RELN: variants seen among roughly 807,000 people sequenced by gnomAD.
RELN encodes the protein reelin.
Under a neutral mutation model 427.6 loss-of-function variants are expected in RELN, and 108 were observed. The observed-to-expected ratio is 0.25, with a 90% CI of 0.22 to 0.30. The LOEUF (loss-of-function observed/expected upper bound fraction) is 0.30. Ranked by LOEUF, RELN falls within the 10% of genes least tolerant of loss-of-function variation. The probability of loss-of-function intolerance (pLI) is 1.00; values close to 1 mark genes in which losing one functional copy is unlikely to be tolerated. For synonymous variants in RELN, 1,524 were observed against 1,513.4 expected (o/e 1.01, Z -0.16); for missense variants, 3,715 against 4,302.8 (o/e 0.86, Z 3.82).
chr7:103,637,583 C>G (rs1650426371), intron 17 of RELN, among the ~76,000 whole-genome samples: 1 of 152,096 alleles, frequency 6.6e-6, no homozygotes, highest in African/African-American at 2.4e-5. Context: ...AAGTTGGAGC[C>G]TAAAATGCTA....
intron 5 of RELN, among the ~76,000 whole-genome samples, chr7:103,752,509 C>A (rs538258): frequency 0.56 from 85,125 of 151,620 alleles, 24,287 homozygotes; most frequent in African/African-American, 0.63. Flanking sequence ...TCCTGGTTTA[C>A]ATGATCCTCC....
At chr7:103,800,966 A>C (rs1400356016) in intron 3 of RELN, among the ~76,000 whole-genome samples, 2 of 152,234 alleles carry the variant, frequency 1.3e-5, no homozygotes, top group African/African-American at 4.8e-5. Flanking sequence ...TGCAGCCAAA[A>C]GACACATGAA....
intron 33 of RELN, 34 bp from the exon 34 acceptor site, chr7:103,565,585 T>C (rs544078433): frequency 1.2e-6 from 2 of 1,601,542 alleles, no homozygotes; most frequent in African/African-American, 2.7e-5. Flanking sequence ...GTAGCATATA[T>C]GTGTGCCATT....
At chr7:103,928,863 G>T (rs1011894431) in intron 1 of RELN, among the ~76,000 whole-genome samples, 3 of 152,090 alleles carry the variant, frequency 2.0e-5, no homozygotes, top group Admixed American at 2.0e-4. Flanking sequence ...TGATGTTCTT[G>T]GCAAACAAGG....
At chr7:103,742,094 C>A (rs969800652) in intron 6 of RELN, among the ~76,000 whole-genome samples, 1 of 152,168 alleles carries the variant, frequency 6.6e-6, no homozygotes, top group Non-Finnish European at 1.5e-5. Context: ...CAGGCAGCAA[C>A]ATTTGAGGTT....
chr7:103,826,319 A>AGTGTGTGTGTGTGTGTGT (rs768090469), intron 3 of RELN, among the ~76,000 whole-genome samples: 5,570 of 137,420 alleles, frequency 0.041, 203 homozygotes, highest in Non-Finnish European at 0.058. Flanking sequence ...AGACTAAGAC[A>AGTGTGTGTGTGTGTGTGT]ATGTGTGTGT....
intron 1 of RELN, among the ~76,000 whole-genome samples, chr7:103,959,793 G>T (rs1388176060): frequency 6.6e-6 from 1 of 151,796 alleles, no homozygotes; most frequent in East Asian, 1.9e-4. Flanking sequence ...AACAGTTTTT[G>T]TGGAGATGGG....
At chr7:103,767,279 C>T (rs141473) in intron 4 of RELN, among the ~76,000 whole-genome samples, 72,217 of 152,036 alleles carry the variant, frequency 0.47, 19,063 homozygotes, top group African/African-American at 0.71. Flanking sequence ...ATCTTGTTTA[C>T]TAGGGCTGTG....
chr7:103,536,355 G>C (rs1032929182), intron 45 of RELN, among the ~76,000 whole-genome samples: 1 of 151,926 alleles, frequency 6.6e-6, no homozygotes, highest in Non-Finnish European at 1.5e-5. Context: ...AGCTGCCTAC[G>C]TCCCTACCTC....
intron 2 of RELN, among the ~76,000 whole-genome samples, chr7:103,845,855 T>C (rs1793660933): frequency 6.6e-6 from 1 of 152,008 alleles, no homozygotes; most frequent in Non-Finnish European, 1.5e-5. Flanking sequence ...AAACGACTGC[T>C]CAAGAAAATA....
rs116536723 is a variant in RELN at position 103,905,285 on chromosome 7, T to G, written c.337+11790A>C. 2.1e-3 allele frequency among the ~76,000 whole-genome samples: 315 copies of G among 152,186 alleles called. 1 individual carries two copies. The highest frequency in any genetic ancestry group is 6.8e-3 in the African/African-American group (284 of 41,552). The stretch of plus-strand genomic sequence containing the variant: ...GAGCCACTGCTTCCTGCCCTCTATT[T>G]TCTTAATTCTATAGAAGATACTTAA... On this transcript the variant is annotated intron_variant, in intron 2 of 64. Coordinates refer to ENST00000428762, the MANE Select transcript of RELN (RefSeq NM_005045.4).
At chr7:103,834,517 T>C (rs567236195) in intron 2 of RELN, among the ~76,000 whole-genome samples, 1 of 152,334 alleles carries the variant, frequency 6.6e-6, no homozygotes, top group African/African-American at 2.4e-5. Context: ...CAAGCTGAGC[T>C]ATCAGGGGAT....
intron 64 of RELN, among the ~76,000 whole-genome samples, chr7:103,473,742 AG>A (rs1454790240): frequency 6.6e-6 from 1 of 152,208 alleles, no homozygotes; most frequent in Non-Finnish European, 1.5e-5. Flanking sequence ...GTTTTGGTAT[AG>A]TCCTTTAAAA....
intron 3 of RELN, among the ~76,000 whole-genome samples, chr7:103,807,387 A>G (rs1792625319): frequency 6.6e-6 from 1 of 152,182 alleles, no homozygotes. Context: ...TTTTGAAATT[A>G]GGATGGAGAT....
At chr7:103,967,480 T>G (rs1776471479) in intron 1 of RELN, among the ~76,000 whole-genome samples, 2 of 152,186 alleles carry the variant, frequency 1.3e-5, no homozygotes, top group Admixed American at 6.5e-5. Context: ...CATCCCCAGA[T>G]GGAGCAGGCC....
chr7:103,741,597 A>G (rs1236979070), intron 6 of RELN, among the ~76,000 whole-genome samples: 1 of 151,762 alleles, frequency 6.6e-6, no homozygotes, highest in African/African-American at 2.4e-5. Context: ...GAGGGGAAGT[A>G]AAAGTGGGAG....
At chr7:103,883,414 T>C (rs1006374612) in intron 2 of RELN, among the ~76,000 whole-genome samples, 3 of 152,140 alleles carry the variant, frequency 2.0e-5, no homozygotes, top group Non-Finnish European at 4.4e-5. Flanking sequence ...TTCAACATAG[T>C]ATTAGAAGTT....
At chr7:103,773,265 CTCCCTGTCTCT>C (rs1791638370) in intron 4 of RELN, among the ~76,000 whole-genome samples, 1 of 135,786 alleles carries the variant, frequency 7.4e-6, no homozygotes, top group Non-Finnish European at 1.6e-5. Context: ...CCCTCCCTCT[CTCCCTGTCTCT>C]CTCTCTCCCT....
At chr7:103,870,495 T>C (rs944804372) in intron 2 of RELN, among the ~76,000 whole-genome samples, 1 of 152,016 alleles carries the variant, frequency 6.6e-6, no homozygotes, top group Admixed American at 6.6e-5. Flanking sequence ...CCCTCTAACG[T>C]GGCAAGATTC....
Sources: allele counts gnomAD v4.1 joint callset (sites outside exome capture counted in the v4.1 genomes callset), GRCh38; gene constraint gnomAD v4.1.1; transcripts MANE v1.5; gene names NCBI Gene and HGNC (gene_info 2026-07-23, HGNC 2026-07-21).